The following TBC1D14 variants were observed in gnomAD, a reference collection of about 807,000 sequenced individuals.
TBC1D14 encodes TBC1 domain family member 14.
A neutral mutation model predicts 79.0 loss-of-function variants in TBC1D14; 26 were observed. That is an observed-to-expected ratio of 0.33 (90% CI 0.24 to 0.46). TBC1D14 has a LOEUF of 0.46. TBC1D14 is among the 20% of genes least tolerant of loss of function. TBC1D14 has a pLI of 1.00. For missense variants in TBC1D14, 769 were observed against 887.6 expected, an observed-to-expected ratio of 0.87 and a Z score of 1.70; for synonymous variants, 394 against 349.9, an observed-to-expected ratio of 1.13 and a Z score of -1.40.
intron 3 of TBC1D14, among the ~76,000 whole-genome samples, chr4:6,975,623 C>T (rs1481578494): frequency 6.6e-6 from 1 of 152,166 alleles, no homozygotes; most frequent in African/African-American, 2.4e-5. Flanking sequence ...TAAGGGTGCA[C>T]ACTTCTGAGA....
intron 12 of TBC1D14, among the ~76,000 whole-genome samples, chr4:7,022,295 G>A (rs1236992992): frequency 3.3e-5 from 5 of 152,226 alleles, no homozygotes; most frequent in Non-Finnish European, 7.3e-5. Context: ...GGGCCTGGGA[G>A]CTGCTTGCTG....
At chr4:6,985,850 A>G (rs1429060044) in intron 3 of TBC1D14, among the ~76,000 whole-genome samples, 1 of 152,260 alleles carries the variant, frequency 6.6e-6, no homozygotes, top group Non-Finnish European at 1.5e-5. Flanking sequence ...AGCCAGAATC[A>G]GCCTCTTTCC....
chr4:7,028,429 G>T (rs1431759506), intron 13 of TBC1D14, among the ~76,000 whole-genome samples: 48 of 149,404 alleles, frequency 3.2e-4, no homozygotes, highest in African/African-American at 5.2e-4. Flanking sequence ...TCAGTTTTTT[G>T]TTTGTTTTTT....
intron 3 of TBC1D14, among the ~76,000 whole-genome samples, chr4:6,986,752 G>T (rs2109117217): frequency 6.6e-6 from 1 of 152,330 alleles, no homozygotes; most frequent in East Asian, 1.9e-4. Flanking sequence ...CGCGCCATCT[G>T]AAGGGCGCTG....
chr4:6,995,487 C>G (rs1441681139), intron 4 of TBC1D14: 2 of 151,632 alleles, frequency 1.3e-5, no homozygotes, highest in South Asian at 2.1e-4. Context: ...TATTTTCTTC[C>G]TGCTAATCTT....
At chr4:6,968,401 A>G (rs1715893683) in intron 3 of TBC1D14, among the ~76,000 whole-genome samples, 1 of 152,222 alleles carries the variant, frequency 6.6e-6, no homozygotes, top group African/African-American at 2.4e-5. Flanking sequence ...TGCTAGTTCT[A>G]ACGGACTCAG....
chr4:6,919,061 C>T (rs886142182), intron 1 of TBC1D14, among the ~76,000 whole-genome samples: 7 of 151,966 alleles, frequency 4.6e-5, no homozygotes, highest in African/African-American at 9.7e-5. Context: ...CGTAGGGAGG[C>T]GATGTCCGGA....
At chr4:7,014,595 T>C in intron 12 of TBC1D14, 38 bp downstream of exon 12, 1 of 1,398,688 alleles carries the variant, frequency 7.1e-7, no homozygotes, top group Non-Finnish European at 1.0e-6. Context: ...AGAGCATTTC[T>C]CAGCCCTTGT....
chr4:7,004,826 C>T lies in TBC1D14; in HGVS notation c.1271-18C>T, dbSNP rs780766728. 8.7e-6 allele frequency: 14 copies of T among 1,613,820 alleles called. No homozygotes were observed. The highest frequency in any genetic ancestry group is 1.3e-5 in the African/African-American group (1 of 75,018). ...AATACATGTGCACGTAATACTTACC[C>T]AGAGGCTTTTCTTCCAGAGCTCTTT... On this transcript the variant is annotated intron_variant, in intron 7 of 13. Coordinates refer to ENST00000409757, the MANE Select transcript of TBC1D14 (RefSeq NM_020773.3).
At chr4:6,913,361 G>A (rs536777038) in intron 1 of TBC1D14, among the ~76,000 whole-genome samples, 1 of 152,314 alleles carries the variant, frequency 6.6e-6, no homozygotes, top group South Asian at 2.1e-4. Context: ...ATGGTTAAGT[G>A]TTCAGCTTAT....
intron 2 of TBC1D14, among the ~76,000 whole-genome samples, chr4:6,953,387 C>A (rs572657635): frequency 7.5e-6 from 1 of 132,590 alleles, no homozygotes; most frequent in African/African-American, 2.7e-5. Flanking sequence ...TTTGGGAGGC[C>A]GAGGCGGGCG....
intron 8 of TBC1D14, among the ~76,000 whole-genome samples, chr4:7,005,382 A>C (rs1462911862): frequency 6.6e-6 from 1 of 152,164 alleles, no homozygotes; most frequent in Non-Finnish European, 1.5e-5. Flanking sequence ...TAAAAATAGA[A>C]AAATTAGCCA....
At chr4:7,029,817 T>TC (rs1197881276) in intron 13 of TBC1D14, among the ~76,000 whole-genome samples, 3 of 152,058 alleles carry the variant, frequency 2.0e-5, no homozygotes, top group African/African-American at 7.2e-5. Flanking sequence ...AGAGCGAGAC[T>TC]CCATCTCAAA....
intron 3 of TBC1D14, among the ~76,000 whole-genome samples, chr4:6,977,093 T>TCCCTCTCC (rs1491292742): frequency 9.8e-5 from 1 of 10,242 alleles, no homozygotes; most frequent in African/African-American, 2.4e-4. Context: ...CTCTCCCCAC[T>TCCCTCTCC]GTCTCCCTCT....
At chr4:6,909,786 G>A (rs1466571805), upstream of TBC1D14, 1 of 148,502 alleles carries the variant, frequency 6.7e-6, no homozygotes, top group Non-Finnish European at 1.5e-5. Flanking sequence ...GGGGCGAAGC[G>A]AGGGTGCGCG....
intron 3 of TBC1D14, chr4:6,987,095 C>T: frequency 9.1e-7 from 1 of 1,099,426 alleles, no homozygotes; most frequent in East Asian, 3.9e-5. Flanking sequence ...CCCTTGTGCC[C>T]GCCCCTCGCC....
chr4:6,914,111 G>A (rs1272030051), intron 1 of TBC1D14, among the ~76,000 whole-genome samples: 1 of 148,096 alleles, frequency 6.8e-6, no homozygotes, highest in Non-Finnish European at 1.5e-5. Flanking sequence ...CTGTACTGCA[G>A]CCTGGGTGAC....
At chr4:6,927,240 A>G (rs1724362814) in intron 2 of TBC1D14, among the ~76,000 whole-genome samples, 1 of 152,050 alleles carries the variant, frequency 6.6e-6, no homozygotes, top group Non-Finnish European at 1.5e-5. Flanking sequence ...GATGGGGCAG[A>G]CAGATAAGGC....
At chr4:6,958,376 TAC>T (rs60999179) in intron 2 of TBC1D14, among the ~76,000 whole-genome samples, 2,554 of 149,190 alleles carry the variant, frequency 0.017, 70 homozygotes, top group African/African-American at 0.06. Flanking sequence ...TCCCCACATA[TAC>T]ACACACACAC....
Sources: gnomAD v4.1 joint callset for allele counts (sites outside exome capture counted in the v4.1 genomes callset) on GRCh38, gnomAD v4.1.1 for gene constraint, MANE v1.5 for transcripts, NCBI Gene and HGNC (gene_info 2026-07-23, HGNC 2026-07-21) for gene names.